The following MTF1 variants were observed in gnomAD, a reference collection of about 807,000 sequenced individuals.
MTF1 encodes the protein MRE-binding transcription factor.
A neutral mutation model predicts 70.4 loss-of-function variants in MTF1; 22 were observed. The ratio of observed to expected loss-of-function variants is 0.31; its 90% CI spans 0.22 to 0.45. The LOEUF (loss-of-function observed/expected upper bound fraction) is 0.45. MTF1 is among the 20% of genes least tolerant of loss of function. The probability of loss-of-function intolerance (pLI) is 1.00; values close to 1 mark genes in which losing one functional copy is unlikely to be tolerated. For synonymous variants in MTF1, 333 were observed against 352.8 expected (o/e 0.94, Z 0.63); for missense variants, 649 against 922.0 (o/e 0.70, Z 3.83).
At chr1:37,836,781 TAGAA>T (rs773648173) in intron 4 of MTF1, among the ~76,000 whole-genome samples, 1 of 152,250 alleles carries the variant, frequency 6.6e-6, no homozygotes, top group African/African-American at 2.4e-5. Flanking sequence ...TTTCTTTAAA[TAGAA>T]AGCTTCTCTA....
chr1:37,859,153 C>T (rs1478322147), intron 1 of MTF1, among the ~76,000 whole-genome samples: 1 of 152,184 alleles, frequency 6.6e-6, no homozygotes, highest in Non-Finnish European at 1.5e-5. Context: ...GCACCCTCGG[C>T]GGCAACGCGG....
In MTF1 at chr1:37,822,471, G is replaced by C. The variant is rs144376011; in HGVS notation, c.1417C>G (p.Pro473Ala). ...ALLQPPEVPV[P>A]HSTQFAANHQ... ...TTAGCAGCAAACTGTGTGCTGTGGG[G>C]AACAGGCACTTCTGGAGGTTGTAAG... Residue 473 changes from proline (P) to alanine (A), a missense_variant, in exon 9 of 11, where the codon CCC becomes GCC. Around this residue, in one of 7 missense-constraint regions of MTF1, gnomAD observed 267 missense variants for 292.1 expected, o/e 0.91. Coordinates refer to ENST00000373036, the MANE Select transcript of MTF1 (RefSeq NM_005955.3). The C allele has an allele frequency of 5.0e-6, 8 of 1,613,964 alleles. No individual in the cohort carries two copies. The African/African-American group carries it at 9.3e-5, about 19-fold the overall frequency.
chr1:37,819,230 A>C (rs548241334), intron 9 of MTF1, among the ~76,000 whole-genome samples: 8 of 152,362 alleles, frequency 5.3e-5, no homozygotes, highest in African/African-American at 1.9e-4. Context: ...CAGAAAATGG[A>C]CTAAGACAAT....
intron 3 of MTF1, 43 bp from the exon 4 acceptor site, chr1:37,838,799 T>TC: frequency 1.1e-6 from 1 of 905,666 alleles, no homozygotes; most frequent in African/African-American, 2.1e-5. Flanking sequence ...ATAAAATTCT[T>TC]TTTTTTTTTT....
Sources: allele counts gnomAD v4.1 joint callset (sites outside exome capture counted in the v4.1 genomes callset), GRCh38; gene constraint gnomAD v4.1.1; regional missense constraint gnomAD v4.1.1; transcripts MANE v1.5; gene names NCBI Gene and HGNC (gene_info 2026-07-23, HGNC 2026-07-21).